TCERG1L: variants seen among roughly 807,000 people sequenced by gnomAD.
The protein encoded by TCERG1L is transcription elongation regulator 1 like, also known as transcription elongation regulator 1-like protein.
A neutral mutation model predicts 56.3 loss-of-function variants in TCERG1L; 37 were observed. That is an observed-to-expected ratio of 0.66 (90% CI 0.51 to 0.87). TCERG1L has a LOEUF of 0.87. Ranked by LOEUF, TCERG1L falls within the 40% of genes least tolerant of loss-of-function variation. The probability of loss-of-function intolerance (pLI) is 0.00; values close to 1 mark genes in which losing one functional copy is unlikely to be tolerated. For synonymous variants in TCERG1L, 324 were observed against 326.3 expected (o/e 0.99, Z 0.08); for missense variants, 799 against 774.2 (o/e 1.03, Z -0.38).
At chr10:131,244,281 C>T (rs1010764843) in intron 4 of TCERG1L, among the ~76,000 whole-genome samples, 3 of 152,094 alleles carry the variant, frequency 2.0e-5, no homozygotes, top group Non-Finnish European at 2.9e-5. Flanking sequence ...AAAGTGTGAC[C>T]GTGAAGCATG....
In TCERG1L at chr10:131,166,890, T is replaced by C. The variant is rs762046746; in HGVS notation, c.857-5A>G. 1 of 1,608,748 alleles carries C rather than the reference T, an allele frequency of 6.2e-7. No homozygotes were observed. The highest frequency in any genetic ancestry group is 8.5e-7 in the Non-Finnish European group (1 of 1,179,014). ...GGCCCCGCTCTGTCCTTGTATCTGT[T>C]GGGCCAAAGCAGTTGTCATTAACAT... On this transcript the variant is annotated splice_polypyrimidine_tract_variant and splice_region_variant and intron_variant, in intron 4 of 11. Transcript: ENST00000368642.
chr10:131,140,612 C>G lies in TCERG1L; in HGVS notation c.1189+5894G>C, dbSNP rs1283768123. Among the ~76,000 whole-genome samples the G allele has an allele frequency of 2.0e-5, 3 of 152,178 alleles. No homozygotes were observed. In the South Asian group the frequency reaches 6.2e-4, roughly 32 times the overall value. On this transcript the variant is annotated intron_variant, in intron 7 of 11. Coordinates refer to ENST00000368642, the MANE Select transcript of TCERG1L (RefSeq NM_174937.4). ...AGTGTTCTCCCAGGACTGTGGCTTT[C>G]CTGGGCACGAAGAGGGGCACAGTGG... is the stretch of plus-strand genomic sequence containing the variant.
chr10:131,305,829 T>C (rs1391742986), intron 3 of TCERG1L, among the ~76,000 whole-genome samples: 1 of 150,728 alleles, frequency 6.6e-6, no homozygotes, highest in Non-Finnish European at 1.5e-5. Flanking sequence ...TTGATCTTTG[T>C]AATATAACTA....
chr10:131,205,526 G>T (rs1230861843), intron 4 of TCERG1L, among the ~76,000 whole-genome samples: 1 of 152,232 alleles, frequency 6.6e-6, no homozygotes, highest in Non-Finnish European at 1.5e-5. Flanking sequence ...TCTCACATTA[G>T]GGAATTTTGT....
chr10:131,241,600 A>G (rs1039249407), intron 4 of TCERG1L, among the ~76,000 whole-genome samples: 5 of 151,742 alleles, frequency 3.3e-5, no homozygotes, highest in African/African-American at 7.2e-5. Context: ...CAATATAAAA[A>G]CATAAGAGAG....
chr10:131,251,760 T>C (rs1846113924), intron 4 of TCERG1L, among the ~76,000 whole-genome samples: 1 of 152,238 alleles, frequency 6.6e-6, no homozygotes, highest in Admixed American at 6.5e-5. Flanking sequence ...TTTCTTATTG[T>C]TTTTATTGTG....
chr10:131,192,526 C>A (rs1845316196), intron 4 of TCERG1L, among the ~76,000 whole-genome samples: 1 of 143,606 alleles, frequency 7.0e-6, no homozygotes, highest in Non-Finnish European at 1.5e-5. Flanking sequence ...GGGGGTCTAC[C>A]CAAAGGAAAA....
chr10:131,303,091 T>C (rs950031395), intron 3 of TCERG1L, among the ~76,000 whole-genome samples: 10 of 152,122 alleles, frequency 6.6e-5, no homozygotes, highest in African/African-American at 2.4e-4. Context: ...TAAACATACG[T>C]GTGCATGTGT....
chr10:131,300,460 A>C (rs1846749211), intron 3 of TCERG1L, among the ~76,000 whole-genome samples: 1 of 152,130 alleles, frequency 6.6e-6, no homozygotes, highest in Non-Finnish European at 1.5e-5. Context: ...AGGTCTATTG[A>C]TCTAATTTCA....
rs372752009 is a variant in TCERG1L, at chr10:131,093,327, G to T, written c.1605-9C>A. 6.2e-7 allele frequency: 1 copy of T among 1,611,566 alleles called. No individual in the cohort carries two copies. The highest frequency in any genetic ancestry group is 1.3e-5 in the African/African-American group (1 of 74,724). On this transcript the variant is annotated splice_polypyrimidine_tract_variant and intron_variant, in intron 11 of 11. Transcript: ENST00000368642. ...ACTCCTTAAACGTGGTCCTGAAAAA[G>T]AAAGAGTTTCCTGAGACACCTTCCA...
intron 8 of TCERG1L, 104 bp downstream of exon 8, chr10:131,134,275 G>C: frequency 9.6e-7 from 1 of 1,041,672 alleles, no homozygotes; most frequent in Non-Finnish European, 1.4e-6. Flanking sequence ...GGTTGAATTA[G>C]CTCTTTGCTC....
chr10:131,254,803 T>C (rs1421957783), intron 4 of TCERG1L, among the ~76,000 whole-genome samples: 2 of 152,148 alleles, frequency 1.3e-5, no homozygotes, highest in African/African-American at 4.8e-5. Context: ...AGAGTCTTTG[T>C]GGCAGGGGGT....
At chr10:131,226,731 A>C (rs1845794174) in intron 4 of TCERG1L, among the ~76,000 whole-genome samples, 1 of 152,272 alleles carries the variant, frequency 6.6e-6, no homozygotes, top group East Asian at 1.9e-4. Context: ...AAATAATTAT[A>C]GTTTAGAAGT....
intron 4 of TCERG1L, among the ~76,000 whole-genome samples, chr10:131,242,749 G>A (rs185268841): frequency 3.9e-4 from 60 of 152,328 alleles, no homozygotes; most frequent in African/African-American, 1.3e-3. Context: ...ATGCTCAGAA[G>A]AGAAGCTCAC....
chr10:131,311,356 G>A lies in TCERG1L; in HGVS notation c.280C>T (p.Pro94Ser), dbSNP rs938494719. The change falls in exon 1 of 12, where the codon CCC becomes TCC. Residue 94 changes from proline to serine, a missense_variant. Coordinates refer to ENST00000368642, the MANE Select transcript of TCERG1L (RefSeq NM_174937.4). The surrounding 1 kb of genome is among the most constrained non-coding windows in gnomAD (Gnocchi z 4.0). ...GCGGCGGCGGAGTCTGGCGCAGAGG[G>A]CAGCGGCAGCAGCGGGAGCACCGGC... ...SEPVLPLLPL[P>S]SAPDSAAAAA... is the part of the protein sequence containing the mutation. 57 of 1,199,958 alleles carry A rather than the reference G, an allele frequency of 4.8e-5. No homozygotes were observed. In the African/African-American group the frequency reaches 8.9e-4, roughly 19 times the overall value. The allele number at this position is 1,199,958 out of a possible 1,614,324, so 74.3% of individuals were successfully genotyped here.
At chr10:131,195,286 T>C (rs560178820) in intron 4 of TCERG1L, among the ~76,000 whole-genome samples, 31 of 152,292 alleles carry the variant, frequency 2.0e-4, no homozygotes, top group African/African-American at 7.2e-4. Flanking sequence ...GGTGTGGCTG[T>C]CTTCCTTTTG....
chr10:131,192,760 GA>G, intron 4 of TCERG1L, among the ~76,000 whole-genome samples: 1 of 144,344 alleles, frequency 6.9e-6, no homozygotes. Context: ...CACAGGAGTG[GA>G]AAACCAAAAA....
chr10:131,150,453 G>C (rs1213583341), intron 6 of TCERG1L, among the ~76,000 whole-genome samples: 1 of 152,194 alleles, frequency 6.6e-6, no homozygotes. Context: ...AGAGGCCTCG[G>C]GACACAGGCT....
chr10:131,168,684 C>T (rs10829938), intron 4 of TCERG1L, among the ~76,000 whole-genome samples: 72,122 of 152,076 alleles, frequency 0.47, 18,700 homozygotes, highest in Admixed American at 0.6. Context: ...AGCGCCCTGC[C>T]GGGCAGGCTC....
Sources: gnomAD v4.1 joint callset for allele counts (sites outside exome capture counted in the v4.1 genomes callset) on GRCh38, gnomAD v4.1.1 for gene constraint, Gnocchi (gnomAD v3.1) non-coding constraint, MANE v1.5 for transcripts, NCBI Gene and HGNC (gene_info 2026-07-23, HGNC 2026-07-21) for gene names.